XPO4: variants seen among roughly 807,000 people sequenced by gnomAD.
XPO4 encodes exportin-4.
In XPO4, 39 loss-of-function variants were observed where a neutral mutation model predicts 143.0. The ratio of observed to expected loss-of-function variants is 0.27; its 90% confidence interval spans 0.21 to 0.36. The LOEUF (loss-of-function observed/expected upper bound fraction) is 0.36, where lower values mean the gene tolerates loss of function less well. XPO4 is among the 10% of genes least tolerant of loss of function. The pLI is 1.00. For missense variants in XPO4, 907 were observed against 1,348.0 expected (o/e 0.67, Z 5.12); for synonymous variants, 439 against 474.0 (o/e 0.93, Z 0.96).
Position 20,787,021 on chromosome 13 carries a change from T to A in XPO4, c.3202A>T (p.Thr1068Ser). Residue 1068 changes from threonine to serine, a missense_variant, in exon 22 of 23, where the codon ACA (threonine) becomes TCA (serine). By Grantham distance (58) the Thr-to-Ser change is moderately conservative. Transcript: ENST00000255305. Reference sequence around the variant, plus strand: ...TCGCCAGCCGCAGTGGTCATCTCTGTGTTGTGCTTTTGCAAAACCAGCATA... The same window carrying A: ...TCGCCAGCCGCAGTGGTCATCTCTGAGTTGTGCTTTTGCAAAACCAGCATA... ...FDMLVLQKHN[T>S]EMTTAAGEAF... The A allele has an allele frequency of 6.4e-7, 1 of 1,567,586 alleles. No individual in the cohort carries two copies. The highest frequency in any genetic ancestry group is 1.7e-4 in the Middle Eastern group (1 of 5,990).
chr13:20,856,286 A>G, intron 3 of XPO4: 1 of 972,144 alleles, frequency 1.0e-6, no homozygotes, highest in Non-Finnish European at 1.2e-6. Flanking sequence ...GCTATCCGAG[A>G]TACATCATTA....
chr13:20,805,109 G>A (rs1227648815), intron 13 of XPO4, among the ~76,000 whole-genome samples: 13 of 151,802 alleles, frequency 8.6e-5, no homozygotes, highest in East Asian at 3.9e-4. Flanking sequence ...CACCATGCCC[G>A]GCTAATTTTT....
At position 20,850,762 on chromosome 13, in the gene XPO4, T is replaced by C. The variant is rs2060076821; in HGVS notation, c.456+4865A>G. ...CCCAGGCGATAGAGCGAGGCCCTGT[T>C]TCTAAAACAACAAAACAAACAAATG... is the stretch of plus-strand genomic sequence containing the variant. On this transcript the variant is annotated intron_variant, in intron 4 of 22. Coordinates refer to ENST00000255305, the MANE Select transcript of XPO4 (RefSeq NM_022459.5). 4 of 981,802 alleles carry C rather than the reference T, an allele frequency of 4.1e-6. No homozygotes were observed. In the South Asian group the frequency reaches 1.9e-4, roughly 46 times the overall value. 60.8% of individuals were successfully genotyped at this position (981,802 alleles called of 1,614,324 possible).
chr13:20,783,571 T>C lies in XPO4; in HGVS notation c.*151A>G. On this transcript the variant is annotated 3_prime_UTR_variant, in exon 23 of 23. Coordinates refer to ENST00000255305, the MANE Select transcript of XPO4 (RefSeq NM_022459.5). ...GCTGATGCCAAGTTGACCTCTCCTG[T>C]TTCACTGTATTACATACATATCAAA... 9.7e-6 allele frequency: 7 copies of C among 725,184 alleles called. No homozygotes were observed. The South Asian group carries it at 1.1e-4, about 11-fold the overall frequency. 44.9% of individuals were successfully genotyped at this position (725,184 alleles called of 1,614,324 possible).
intron 1 of XPO4, among the ~76,000 whole-genome samples, chr13:20,896,357 T>C (rs1246239579): frequency 5.9e-5 from 9 of 152,346 alleles, no homozygotes; most frequent in African/African-American, 1.2e-4. Context: ...CTTAACCGGA[T>C]TGACCTTTCA....
chr13:20,827,202 A>G, intron 6 of XPO4, 23 bp from the exon 7 acceptor site: 1 of 1,500,168 alleles, frequency 6.7e-7, no homozygotes, highest in South Asian at 1.1e-5. Flanking sequence ...CAAGGTCAAC[A>G]ACAATAACAT....
At chr13:20,800,124 C>A (rs1315684886) in intron 15 of XPO4, 32 bp downstream of exon 15, 3 of 1,612,108 alleles carry the variant, frequency 1.9e-6, no homozygotes, top group Non-Finnish European at 1.7e-6. Flanking sequence ...CACACACATA[C>A]ACACACAGTC....
At chr13:20,875,960 A>T (rs1302053986) in intron 1 of XPO4, among the ~76,000 whole-genome samples, 1 of 152,060 alleles carries the variant, frequency 6.6e-6, no homozygotes, top group Middle Eastern at 3.2e-3. Context: ...ATTAATTTAA[A>T]AAAAAGAGGC....
intron 2 of XPO4, chr13:20,866,176 T>C (rs544598709): frequency 1.0e-6 from 1 of 985,344 alleles, no homozygotes; most frequent in East Asian, 1.1e-4. Flanking sequence ...ACTTCTGAAG[T>C]GAAGAAGTCT....
At chr13:20,898,224 T>C (rs1407611668) in intron 1 of XPO4, among the ~76,000 whole-genome samples, 1 of 152,216 alleles carries the variant, frequency 6.6e-6, no homozygotes, top group African/African-American at 2.4e-5. Flanking sequence ...ATGAATCTCG[T>C]TTATTAAAGT....
chr13:20,783,603 G>T lies in XPO4; in HGVS notation c.*119C>A. ...GTATTACATACATATCAAAGTTTCAGGCTCTCCAAAATCCAAAATGGCCAA... is the reference window on the plus strand; with the variant it reads ...GTATTACATACATATCAAAGTTTCATGCTCTCCAAAATCCAAAATGGCCAA... On this transcript the variant is annotated 3_prime_UTR_variant, in exon 23 of 23. Coordinates refer to ENST00000255305, the MANE Select transcript of XPO4 (RefSeq NM_022459.5). 1 of 1,054,424 alleles carries T rather than the reference G, an allele frequency of 9.5e-7. No homozygotes were observed. Among genetic ancestry groups the T allele is most frequent in the Non-Finnish European group, 1.4e-6 (1 of 700,426 alleles). 65.3% of individuals were successfully genotyped at this position (1,054,424 alleles called of 1,614,324 possible).
intron 10 of XPO4, 131 bp downstream of exon 10, chr13:20,809,660 G>T: frequency 9.9e-7 from 1 of 1,009,514 alleles, no homozygotes; most frequent in East Asian, 2.7e-5. Flanking sequence ...CAGAGAACAA[G>T]GCCACTTTTG....
chr13:20,882,831 G>C (rs1245573023), intron 1 of XPO4, among the ~76,000 whole-genome samples: 5 of 151,328 alleles, frequency 3.3e-5, no homozygotes, highest in Admixed American at 3.3e-4. Context: ...AGGTTGCAGT[G>C]AGCCGAGATG....
intron 6 of XPO4, among the ~76,000 whole-genome samples, chr13:20,836,024 T>TA (rs2059912449): frequency 2.0e-5 from 3 of 152,300 alleles, no homozygotes; most frequent in Admixed American, 2.0e-4. Flanking sequence ...AAACATAAAA[T>TA]AAGTACCAAC....
At chr13:20,825,261 A>G (rs2059769947) in intron 7 of XPO4, among the ~76,000 whole-genome samples, 3 of 152,222 alleles carry the variant, frequency 2.0e-5, no homozygotes, top group African/African-American at 7.2e-5. Flanking sequence ...AAGTCTTATG[A>G]TTAACATATT....
rs1193437416 is a variant in XPO4, at chr13:20,782,246, A to G, written c.*1476T>C. 1 of 152,252 alleles carries G rather than the reference A, an allele frequency of 6.6e-6. No homozygotes were observed. The highest frequency in any genetic ancestry group is 1.5e-5 in the Non-Finnish European group (1 of 68,054). The allele number at this position is 152,252 out of a possible 1,614,324, so 9.4% of individuals were successfully genotyped here. ...CCGTATTTGCAGAATGGTTTAATAG[A>G]TAGGTGTCAGGAACATGGTGGAAGC... On this transcript the variant is annotated 3_prime_UTR_variant, in exon 23 of 23. Transcript: ENST00000255305.
chr13:20,855,601 T>A (rs774243749), intron 4 of XPO4, 26 bp downstream of exon 4: 1 of 1,501,824 alleles, frequency 6.7e-7, no homozygotes, highest in Non-Finnish European at 8.8e-7. Flanking sequence ...ATTGTTAATA[T>A]TTATAAATAC....
At position 20,783,458 on chromosome 13, in the gene XPO4, T is replaced by C. The variant is rs1361793280; in HGVS notation, c.*264A>G. Reference sequence around the variant, plus strand: ...GTGCCCATATCTGTTTGCACATATATGGAATTTCATTTTGAAAATTTTAAA... The same window carrying C: ...GTGCCCATATCTGTTTGCACATATACGGAATTTCATTTTGAAAATTTTAAA... On this transcript the variant is annotated 3_prime_UTR_variant, in exon 23 of 23. Transcript: ENST00000255305. The C allele has an allele frequency of 2.2e-5, 11 of 496,764 alleles. No individual in the cohort carries two copies. Among genetic ancestry groups the C allele is most frequent in the East Asian group, 3.6e-5 (1 of 28,158 alleles). The allele number at this position is 496,764 out of a possible 1,614,324, so 30.8% of individuals were successfully genotyped here. A position where few individuals can be genotyped will look rare whatever the true frequency, so the allele number is the denominator to read the frequency against.
At chr13:20,793,215 A>G (rs1217120324) in intron 18 of XPO4, among the ~76,000 whole-genome samples, 1 of 151,634 alleles carries the variant, frequency 6.6e-6, no homozygotes, top group Non-Finnish European at 1.5e-5. Context: ...TTTACCATCC[A>G]TTTGCCTGAT....
Sources: gnomAD v4.1 joint callset for allele counts (sites outside exome capture counted in the v4.1 genomes callset) on GRCh38, gnomAD v4.1.1 for gene constraint, MANE v1.5 for transcripts, NCBI Gene and HGNC (gene_info 2026-07-23, HGNC 2026-07-21) for gene names.